Variants in DIAPH2 observed in about 807,000 individuals in gnomAD.
DIAPH2 encodes the protein protein diaphanous homolog 2.
A neutral mutation model predicts 92.7 loss-of-function variants in DIAPH2; 35 were observed. The ratio of observed to expected loss-of-function variants is 0.38; its 90% CI spans 0.29 to 0.50. The LOEUF is 0.50. Ranked by LOEUF, DIAPH2 falls within the 20% of genes least tolerant of loss-of-function variation. DIAPH2 has a pLI of 0.94. For missense variants in DIAPH2, 701 were observed against 819.5 expected, an observed-to-expected ratio of 0.86 and a Z score of 1.77; for synonymous variants, 301 against 280.4, an observed-to-expected ratio of 1.07 and a Z score of -0.73.
At chrX:97,484,891 A>C (rs760900891) in intron 26 of DIAPH2, among the ~76,000 whole-genome samples, 6 of 112,134 alleles carry the variant, frequency 5.4e-5, no homozygotes, top group Non-Finnish European at 7.5e-5. Context: ...CGAGAAAAAA[A>C]AAAGAAAAGA....
chrX:96,882,323 ACAG>A (rs1450367044), intron 5 of DIAPH2, among the ~76,000 whole-genome samples: 1 of 111,190 alleles, frequency 9.0e-6, no homozygotes, highest in African/African-American at 3.3e-5. Context: ...TGCTGGGATT[ACAG>A]GTGTGAGCCA....
Position 97,245,340 on chromosome X carries a change from G to A in DIAPH2, c.2720-2375G>A, listed in dbSNP as rs773421781. 1.3e-3 allele frequency among the ~76,000 whole-genome samples: 142 copies of A among 109,571 alleles called. 1 individual carries two copies. Among genetic ancestry groups the A allele is most frequent in the African/African-American group, 4.6e-3 (139 of 30,027 alleles). ...TATTTATTTATTTATTTAAGGCAGG[G>A]TCTCACTCTGTCACCTAGGCAGGAA... On this transcript the variant is annotated intron_variant, in intron 22 of 26. Transcript: ENST00000324765.
At chrX:97,427,100 C>T (rs749633433) in intron 25 of DIAPH2, among the ~76,000 whole-genome samples, 209 of 109,192 alleles carry the variant, frequency 1.9e-3, no homozygotes, top group African/African-American at 6.7e-3. Context: ...ATTGCTTGAA[C>T]CCAGGAGGCG....
chrX:97,249,536 G>GA (rs905319502), intron 23 of DIAPH2, among the ~76,000 whole-genome samples: 2 of 111,633 alleles, frequency 1.8e-5, no homozygotes, highest in Non-Finnish European at 3.8e-5. Flanking sequence ...TTATTTCAGA[G>GA]AAAAAATTAG....
intron 26 of DIAPH2, among the ~76,000 whole-genome samples, chrX:97,540,966 G>T (rs1672506751): frequency 8.9e-6 from 1 of 111,756 alleles, no homozygotes; most frequent in Admixed American, 9.5e-5. Context: ...ACTAGTGGCA[G>T]TATGTTCATA....
chrX:97,489,840 A>C (rs780785892), intron 26 of DIAPH2, among the ~76,000 whole-genome samples: 2 of 111,510 alleles, frequency 1.8e-5, no homozygotes, highest in African/African-American at 6.5e-5. Context: ...TCGGTTTGCT[A>C]ATATTTTCTT....
chrX:97,087,509 A>G (rs990718840), intron 19 of DIAPH2, among the ~76,000 whole-genome samples: 1 of 111,396 alleles, frequency 9.0e-6, no homozygotes, highest in African/African-American at 3.3e-5. Context: ...AGTGTAGTGG[A>G]AAAAAAATTC....
At chrX:97,204,486 A>C (rs773194999) in intron 22 of DIAPH2, among the ~76,000 whole-genome samples, 1 of 112,265 alleles carries the variant, frequency 8.9e-6, no homozygotes, top group African/African-American at 3.2e-5. Flanking sequence ...CAGGATACAA[A>C]ATCAATGTGC....
intron 25 of DIAPH2, among the ~76,000 whole-genome samples, chrX:97,424,347 T>C (rs1237880764): frequency 1.8e-5 from 2 of 111,380 alleles, no homozygotes; most frequent in Non-Finnish European, 3.8e-5. Flanking sequence ...GAATACTGGT[T>C]CTTGGGAATG....
chrX:97,517,198 A>T (rs2070955461), intron 26 of DIAPH2, among the ~76,000 whole-genome samples: 1 of 111,936 alleles, frequency 8.9e-6, no homozygotes, highest in Admixed American at 9.5e-5. Context: ...TCACAGTAAC[A>T]TGGAAGAAAT....
chrX:97,128,231 C>A (rs774043567), intron 21 of DIAPH2, among the ~76,000 whole-genome samples: 1 of 111,490 alleles, frequency 9.0e-6, no homozygotes, highest in Non-Finnish European at 1.9e-5. Flanking sequence ...TCATGCATCC[C>A]CTTTTTAGAC....
chrX:97,344,766 A>G (rs1039905451), intron 23 of DIAPH2, among the ~76,000 whole-genome samples: 21 of 112,578 alleles, frequency 1.9e-4, no homozygotes, highest in African/African-American at 6.1e-4. Context: ...ATTCGGTATC[A>G]CTACATGGAC....
intron 18 of DIAPH2, among the ~76,000 whole-genome samples, chrX:97,073,459 T>C (rs1221914747): frequency 2.7e-5 from 3 of 112,403 alleles, no homozygotes; most frequent in Non-Finnish European, 1.9e-5. Context: ...CGATGTGAGC[T>C]ACTTAAATTG....
chrX:96,867,579 T>C lies in DIAPH2; in HGVS notation c.448-14000T>C, dbSNP rs528988398. ...GTAAGCAGTATTTCGTGATATTCACTGTATACCATTTTAGAACTGAAATTG... is the reference window on the plus strand; with the variant it reads ...GTAAGCAGTATTTCGTGATATTCACCGTATACCATTTTAGAACTGAAATTG... On this transcript the variant is annotated intron_variant, in intron 4 of 26. Transcript: ENST00000324765. Among the ~76,000 whole-genome samples the C allele has an allele frequency of 1.2e-3, 130 of 111,464 alleles. No homozygotes were observed. In the South Asian group the frequency reaches 0.046, roughly 40 times the overall value.
chrX:96,901,926 C>T (rs956218035), intron 5 of DIAPH2, among the ~76,000 whole-genome samples: 1 of 111,765 alleles, frequency 8.9e-6, no homozygotes, highest in South Asian at 3.7e-4. Context: ...ACATTTAGCA[C>T]TGTAAACTTT....
chrX:96,966,380 A>T (rs1330316577), intron 17 of DIAPH2, among the ~76,000 whole-genome samples: 1 of 112,335 alleles, frequency 8.9e-6, no homozygotes, highest in African/African-American at 3.2e-5. Flanking sequence ...TCATGCTTAT[A>T]GCAAATTATT....
At chrX:97,028,886 TCAAA>T (rs2066353326) in intron 17 of DIAPH2, among the ~76,000 whole-genome samples, 1 of 111,803 alleles carries the variant, frequency 8.9e-6, no homozygotes, top group Non-Finnish European at 1.9e-5. Flanking sequence ...TGAGGAACTG[TCAAA>T]CAGTTTTCCA....
At chrX:97,483,947 T>A (rs1376892294) in intron 26 of DIAPH2, among the ~76,000 whole-genome samples, 1 of 111,990 alleles carries the variant, frequency 8.9e-6, no homozygotes, top group East Asian at 2.8e-4. Context: ...GCTGTCAGTA[T>A]AATGTATGAC....
chrX:97,368,374 T>C (rs2069403764), intron 24 of DIAPH2, among the ~76,000 whole-genome samples: 1 of 112,263 alleles, frequency 8.9e-6, no homozygotes, highest in African/African-American at 3.2e-5. Flanking sequence ...CGTTCAGCAC[T>C]TCTTTTATTC....
Sources: allele counts gnomAD v4.1 joint callset (sites outside exome capture counted in the v4.1 genomes callset), GRCh38; gene constraint gnomAD v4.1.1; transcripts MANE v1.5; gene names NCBI Gene and HGNC (gene_info 2026-07-23, HGNC 2026-07-21).